The following GRK5 variants were observed in gnomAD, a reference collection of about 807,000 sequenced individuals.
GRK5 encodes the protein G protein-coupled receptor kinase 5.
GRK5 carries 40 observed loss-of-function variants against 78.4 expected under a neutral mutation model. That is an observed-to-expected ratio of 0.51 (90% CI 0.40 to 0.66). The LOEUF is 0.66. Ranked by LOEUF, GRK5 falls within the 30% of genes least tolerant of loss-of-function variation. The pLI, the probability that GRK5 is intolerant of heterozygous loss-of-function variation, is 0.00. For synonymous variants in GRK5, 289 were observed against 296.8 expected (o/e 0.97, Z 0.27); for missense variants, 598 against 759.9 (o/e 0.79, Z 2.50).
In GRK5 at chr10:119,239,953, A is replaced by G. The variant is rs180854548; in HGVS notation, c.52+31984A>G. 4.3e-4 allele frequency among the ~76,000 whole-genome samples: 65 copies of G among 152,218 alleles called. No homozygotes were observed. The East Asian group carries it at 0.011, about 27-fold the overall frequency. ...TTTGGGTTGGTTCCAAGTCTTTGCT[A>G]TTGTGAACAGTGCTGCAATAAACAT... On this transcript the variant is annotated intron_variant, in intron 1 of 15. Transcript: ENST00000392870.
chr10:119,435,842 T>C (rs1852908209), intron 8 of GRK5, among the ~76,000 whole-genome samples: 1 of 152,238 alleles, frequency 6.6e-6, no homozygotes, highest in South Asian at 2.1e-4. Flanking sequence ...TACCTGAGAC[T>C]GGGCAATTTA....
chr10:119,390,791 C>G (rs1851877623), intron 3 of GRK5, among the ~76,000 whole-genome samples: 1 of 152,164 alleles, frequency 6.6e-6, no homozygotes, highest in Admixed American at 6.5e-5. Flanking sequence ...ATTCAATTAC[C>G]TCCCACCACC....
At position 119,445,924 on chromosome 10, in the gene GRK5, C is replaced by T. The variant is rs950933662; in HGVS notation, c.1266+2172C>T. Reference sequence around the variant, plus strand: ...AGCAGCCGCAGAACCCACTCCCCCTCCTCTGGAGCCCAGAAATTCACACAT... The same window carrying T: ...AGCAGCCGCAGAACCCACTCCCCCTTCTCTGGAGCCCAGAAATTCACACAT... On this transcript the variant is annotated intron_variant, in intron 12 of 15. Transcript: ENST00000392870. This position sits in a 1 kb window ranked among gnomAD's most constrained non-coding sequence, Gnocchi z 4.1. Among the ~76,000 whole-genome samples the T allele has an allele frequency of 7.8e-6, 1 of 128,842 alleles. No homozygotes were observed. The highest frequency in any genetic ancestry group is 2.5e-5 in the African/African-American group (1 of 39,810). The allele number at this position is 128,842 out of a possible 152,430, so 84.5% of individuals were successfully genotyped here.
At position 119,442,064 on chromosome 10, in the gene GRK5, C is replaced by T. The variant is rs775602615; in HGVS notation, c.1033C>T (p.Arg345Trp). Residue 345 changes from arginine (R) to tryptophan (W), a missense_variant, in exon 11 of 16, where the codon CGG (arginine) becomes TGG (tryptophan). By Grantham distance (101) the Arg-to-Trp change is moderately radical (BLOSUM62 -3). Coordinates refer to ENST00000392870, the MANE Select transcript of GRK5 (RefSeq NM_005308.3). ...KIPEGDLIRG[R>W]VGTVGYMAPE... is the part of the protein sequence containing the mutation. ...CCCCGAGGGAGACCTGATCCGCGGC[C>T]GGGTGGGCACTGTTGGCTACATGGG... 6 of 1,613,818 alleles carry T rather than the reference C, an allele frequency of 3.7e-6. No individual in the cohort carries two copies. Among genetic ancestry groups the T allele is most frequent in the Non-Finnish European group, 5.1e-6 (6 of 1,179,902 alleles).
intron 15 of GRK5, 114 bp downstream of exon 15, chr10:119,453,390 G>A: frequency 4.0e-6 from 5 of 1,252,250 alleles, no homozygotes; most frequent in Non-Finnish European, 4.5e-6. Flanking sequence ...GAAGTCTGGG[G>A]CAGTAGCAGC....
At chr10:119,263,927 CAAA>C (rs1720111126) in intron 1 of GRK5, among the ~76,000 whole-genome samples, 1 of 151,940 alleles carries the variant, frequency 6.6e-6, no homozygotes, top group Non-Finnish European at 1.5e-5. Flanking sequence ...GACTCCGTCT[CAAA>C]ATAATAATAA....
intron 2 of GRK5, among the ~76,000 whole-genome samples, chr10:119,331,167 C>T (rs551410278): frequency 6.6e-6 from 1 of 152,346 alleles, no homozygotes; most frequent in Admixed American, 6.5e-5. Flanking sequence ...GTCTGTCCTT[C>T]TAGGTCCATA....
At chr10:119,360,769 C>T (rs138967273) in intron 2 of GRK5, among the ~76,000 whole-genome samples, 2 of 152,338 alleles carry the variant, frequency 1.3e-5, no homozygotes, top group East Asian at 3.9e-4. Flanking sequence ...TCCTCTTCCA[C>T]ACCCGGCCCG....
At chr10:119,265,982 C>T (rs751969475) in intron 1 of GRK5, among the ~76,000 whole-genome samples, 16 of 152,184 alleles carry the variant, frequency 1.1e-4, no homozygotes, top group Non-Finnish European at 2.1e-4. Flanking sequence ...GCCCCACTAA[C>T]AGAGAGGTTC....
chr10:119,256,240 T>C (rs958373773), intron 1 of GRK5, among the ~76,000 whole-genome samples: 2 of 152,130 alleles, frequency 1.3e-5, no homozygotes, highest in Non-Finnish European at 2.9e-5. Context: ...GTGGAGACTC[T>C]GCATTCCCGG....
intron 1 of GRK5, among the ~76,000 whole-genome samples, chr10:119,211,186 G>A (rs1042315127): frequency 1.3e-5 from 2 of 152,100 alleles, no homozygotes; most frequent in Non-Finnish European, 2.9e-5. Flanking sequence ...ACATCAACTC[G>A]ATCACTCTTA....
intron 4 of GRK5, chr10:119,406,528 T>C (rs763547147): frequency 3.2e-6 from 3 of 950,646 alleles, no homozygotes; most frequent in Non-Finnish European, 3.8e-6. Context: ...ACACTGGCCC[T>C]GGACCCGGCT....
At chr10:119,319,724 T>G (rs1165839355) in intron 1 of GRK5, among the ~76,000 whole-genome samples, 1 of 152,210 alleles carries the variant, frequency 6.6e-6, no homozygotes, top group Admixed American at 6.5e-5. Flanking sequence ...AGCAGAAGAT[T>G]GTGCTCCCGC....
chr10:119,249,644 C>T (rs1283381112), intron 1 of GRK5, among the ~76,000 whole-genome samples: 34 of 152,054 alleles, frequency 2.2e-4, no homozygotes, highest in African/African-American at 5.8e-4. Flanking sequence ...ACTACAGGTG[C>T]GCTCCACCAT....
intron 1 of GRK5, among the ~76,000 whole-genome samples, chr10:119,284,860 G>A (rs566537141): frequency 6.6e-6 from 1 of 152,330 alleles, no homozygotes; most frequent in African/African-American, 2.4e-5. Context: ...GGGGCCTCTC[G>A]TGGAAATGGA....
Position 119,217,892 on chromosome 10 carries a change from AG to A in GRK5, c.52+9928del, listed in dbSNP as rs1848600262. ...AGCTCTCTTTACTTACTACCCAAGT[AG>A]GGGGTTAGAGAGGGGGAGGCGAGGA... On this transcript the variant is annotated intron_variant, in intron 1 of 15. Coordinates refer to ENST00000392870, the MANE Select transcript of GRK5 (RefSeq NM_005308.3). The surrounding 1 kb of genome is among the most constrained non-coding windows in gnomAD (Gnocchi z 4.1). Among the ~76,000 whole-genome samples the A allele has an allele frequency of 6.6e-6, 1 of 152,120 alleles. No individual in the cohort carries two copies. Among genetic ancestry groups the A allele is most frequent in the African/African-American group, 2.4e-5 (1 of 41,424 alleles).
rs560851979 is a variant in GRK5 at position 119,405,255 on chromosome 10, G to A, written c.339+8483G>A. Among the ~76,000 whole-genome samples, 87 of 152,288 alleles carry A rather than the reference G, an allele frequency of 5.7e-4. 2 individuals carry two copies. The South Asian group carries it at 0.018, about 31-fold the overall frequency. ...AACTGGTATGGCGTCCTTCTGTGGG[G>A]TACTGGGAAGGCCGTTGTGCAGGCA... On this transcript the variant is annotated intron_variant, in intron 4 of 15. Coordinates refer to ENST00000392870, the MANE Select transcript of GRK5 (RefSeq NM_005308.3).
At chr10:119,209,488 T>TG (rs1491545951) in intron 1 of GRK5, among the ~76,000 whole-genome samples, 55 of 3,048 alleles carry the variant, frequency 0.018, no homozygotes, top group Admixed American at 0.051. Flanking sequence ...GTGTGTGTGG[T>TG]TTTTTTTTTT....
rs1057339389 is a variant in GRK5, at chr10:119,452,062, G to C, written c.1405-609G>C. Among the ~76,000 whole-genome samples the C allele has an allele frequency of 6.6e-6, 1 of 152,192 alleles. No individual in the cohort carries two copies. Among genetic ancestry groups the C allele is most frequent in the South Asian group, 2.1e-4 (1 of 4,834 alleles). Reference sequence around the variant, plus strand: ...TTCATCTCTGCCCTGGCATAGAGCAGGCCCCCAGTGCACAGCTGAGGGACG... The same window carrying C: ...TTCATCTCTGCCCTGGCATAGAGCACGCCCCCAGTGCACAGCTGAGGGACG... On this transcript the variant is annotated intron_variant, in intron 13 of 15. Coordinates refer to ENST00000392870, the MANE Select transcript of GRK5 (RefSeq NM_005308.3). The surrounding 1 kb of genome is among the most constrained non-coding windows in gnomAD (Gnocchi z 4.4).
Sources: gnomAD v4.1 joint callset for allele counts (sites outside exome capture counted in the v4.1 genomes callset) on GRCh38, gnomAD v4.1.1 for gene constraint, Gnocchi (gnomAD v3.1) non-coding constraint, MANE v1.5 for transcripts, NCBI Gene and HGNC (gene_info 2026-07-23, HGNC 2026-07-21) for gene names.